Variants in VPS13A observed in about 807,000 individuals in gnomAD.
VPS13A encodes vacuolar protein sorting 13 homolog A.
Under a neutral mutation model 390.9 loss-of-function variants are expected in VPS13A, and 264 were observed. The observed-to-expected ratio is 0.68, with a 90% CI of 0.61 to 0.75. The LOEUF is 0.75. VPS13A is among the 30% of genes least tolerant of loss of function. The pLI is 0.00. For synonymous variants in VPS13A, 1,231 were observed against 1,227.1 expected, an observed-to-expected ratio of 1.00 and a Z score of -0.07; for missense variants, 3,409 against 3,733.9, an observed-to-expected ratio of 0.91 and a Z score of 2.27.
intron 67 of VPS13A, among the ~76,000 whole-genome samples, chr9:77,373,553 T>TA (rs1402273198): frequency 7.0e-6 from 1 of 142,910 alleles, no homozygotes; most frequent in Non-Finnish European, 1.5e-5. Context: ...ACCTAGGCAT[T>TA]ACCATTCAGG....
intron 22 of VPS13A, among the ~76,000 whole-genome samples, chr9:77,255,340 T>G (rs1825380456): frequency 6.6e-6 from 1 of 152,144 alleles, no homozygotes; most frequent in African/African-American, 2.4e-5. Flanking sequence ...TAAATCATAT[T>G]TCTTGAGTCC....
At position 77,308,087 on chromosome 9, in the gene VPS13A, A is replaced by G. The variant is rs1828872550; in HGVS notation, c.4103A>G (p.His1368Arg). Reference sequence around the variant, plus strand: ...AGTGGAGTTACTACTAATGCTTCACACCATTCAGGAGGTATGTTTTTAACT... The same window carrying G: ...AGTGGAGTTACTACTAATGCTTCACGCCATTCAGGAGGTATGTTTTTAACT... Reference protein sequence around the residue: ...ATSGVTTNASHHSGGATVVTA... With the variant: ...ATSGVTTNASRHSGGATVVTA... Residue 1368 changes from histidine to arginine, a missense_variant, in exon 35 of 72, where the codon CAC becomes CGC. His to Arg is a conservative substitution (Grantham distance 29). Coordinates refer to ENST00000360280, the MANE Select transcript of VPS13A (RefSeq NM_033305.3). 6.2e-7 allele frequency: 1 copy of G among 1,613,906 alleles called. No individual in the cohort carries two copies. The highest frequency in any genetic ancestry group is 8.5e-7 in the Non-Finnish European group (1 of 1,179,890).
At chr9:77,205,837 A>ACCT in intron 4 of VPS13A, 141 bp from the exon 5 acceptor site, 1 of 566,790 alleles carries the variant, frequency 1.8e-6, no homozygotes, top group Non-Finnish European at 3.1e-6. Context: ...TGATTCGCCC[A>ACCT]GCTTGGCCTC....
intron 1 of VPS13A, among the ~76,000 whole-genome samples, chr9:77,190,326 G>A (rs1824598649): frequency 1.3e-5 from 2 of 152,160 alleles, no homozygotes; most frequent in Non-Finnish European, 2.9e-5. Context: ...TTTATCAAAA[G>A]TCCTGAATCT....
At position 77,223,951 on chromosome 9, in the gene VPS13A, C is replaced by T. The variant is rs117835879; in HGVS notation, c.1162-1975C>T. Among the ~76,000 whole-genome samples the T allele has an allele frequency of 1.7e-3, 266 of 152,232 alleles. 4 individuals are homozygous for T. In the East Asian group the frequency reaches 0.045, roughly 26 times the overall value. Reference sequence around the variant, plus strand: ...GGCTGACTCTCTTGCTAGATGCTGACGTAGCTAGTGATTTCAGGTTGAAGC... The same window carrying T: ...GGCTGACTCTCTTGCTAGATGCTGATGTAGCTAGTGATTTCAGGTTGAAGC... On this transcript the variant is annotated intron_variant, in intron 13 of 71. Coordinates refer to ENST00000360280, the MANE Select transcript of VPS13A (RefSeq NM_033305.3).
At chr9:77,409,917 A>G (rs1434626655) in intron 71 of VPS13A, among the ~76,000 whole-genome samples, 2 of 151,430 alleles carry the variant, frequency 1.3e-5, no homozygotes, top group Admixed American at 1.3e-4. Context: ...AAGGCAGGCC[A>G]ACATTCAAAT....
At chr9:77,275,890 C>T (rs1032881413) in intron 25 of VPS13A, among the ~76,000 whole-genome samples, 175 bp from the exon 26 acceptor site, 3 of 147,480 alleles carry the variant, frequency 2.0e-5, no homozygotes, top group Non-Finnish European at 3.0e-5. Context: ...TTTGTGAAAA[C>T]GATTATTTAT....
chr9:77,369,438 G>A, intron 63 of VPS13A, 26 bp downstream of exon 63: 2 of 1,381,858 alleles, frequency 1.4e-6, no homozygotes, highest in East Asian at 4.6e-5. Flanking sequence ...TTGTGGTTGT[G>A]CAATATGTCA....
At position 77,333,426 on chromosome 9, in the gene VPS13A, A is replaced by ATTTTT. The variant is rs34369162; in HGVS notation, c.6095+1331_6095+1335dup. Among the ~76,000 whole-genome samples, 171 of 107,650 alleles carry ATTTTT rather than the reference A, an allele frequency of 1.6e-3. 4 individuals are homozygous for ATTTTT. Among genetic ancestry groups the ATTTTT allele is most frequent in the Non-Finnish European group, 2.4e-3 (135 of 55,112 alleles). 70.6% of individuals were successfully genotyped at this position (107,650 alleles called of 152,430 possible). A position where few individuals can be genotyped will look rare whatever the true frequency, so the allele number is the denominator to read the frequency against. On this transcript the variant is annotated intron_variant, in intron 46 of 71. Transcript: ENST00000360280. ...AACCAGCTTGGATTTCTCATTAGGC[A>ATTTTT]TTTTTTTTTTTTTTTTTTTTTTGAG... is the stretch of plus-strand genomic sequence containing the variant.
At chr9:77,210,753 C>T in intron 7 of VPS13A, 78 bp downstream of exon 7, 1 of 1,435,100 alleles carries the variant, frequency 7.0e-7, no homozygotes, top group Non-Finnish European at 9.8e-7. Flanking sequence ...TTGTATATGC[C>T]AGCATCAGAA....
chr9:77,226,253 A>G (rs1320779207), intron 14 of VPS13A, among the ~76,000 whole-genome samples: 1 of 152,120 alleles, frequency 6.6e-6, no homozygotes, highest in Non-Finnish European at 1.5e-5. Context: ...TTTTTCAATC[A>G]TCATTTCTTA....
chr9:77,347,669 C>A (rs1444622502), intron 52 of VPS13A, among the ~76,000 whole-genome samples: 1 of 151,992 alleles, frequency 6.6e-6, no homozygotes, highest in Non-Finnish European at 1.5e-5. Flanking sequence ...TTATCTATCT[C>A]TATATATCTA....
chr9:77,396,063 T>C (rs934995300), intron 68 of VPS13A, among the ~76,000 whole-genome samples: 3 of 151,944 alleles, frequency 2.0e-5, no homozygotes, highest in Middle Eastern at 3.2e-3. Context: ...TGCTGAACTT[T>C]AGTGAGACTT....
At chr9:77,178,123 C>G in intron 1 of VPS13A, 1 of 339,734 alleles carries the variant, frequency 2.9e-6, no homozygotes, top group Non-Finnish European at 5.6e-6. Context: ...GTTCTCTACC[C>G]CTGGCCCCGC....
intron 53 of VPS13A, 23 bp downstream of exon 53, chr9:77,351,469 GT>G: frequency 1.2e-6 from 2 of 1,610,542 alleles, no homozygotes; most frequent in South Asian, 2.2e-5. Context: ...TTATTATGGT[GT>G]TCCCAGCAGC....
intron 1 of VPS13A, among the ~76,000 whole-genome samples, chr9:77,184,677 A>G (rs1450170767): frequency 1.3e-5 from 2 of 151,578 alleles, no homozygotes; most frequent in Non-Finnish European, 2.9e-5. Flanking sequence ...TGCATCTATT[A>G]CTATTATCAC....
In VPS13A at chr9:77,352,033, A is replaced by T. The variant is rs576780777; in HGVS notation, c.7419+587A>T. On this transcript the variant is annotated intron_variant, in intron 53 of 71. Coordinates refer to ENST00000360280, the MANE Select transcript of VPS13A (RefSeq NM_033305.3). Reference sequence around the variant, plus strand: ...CCAAAAGTAGTCTTATTTTGTTTACATCATTTGCTTCTACTGTGTTATAAA... The same window carrying T: ...CCAAAAGTAGTCTTATTTTGTTTACTTCATTTGCTTCTACTGTGTTATAAA... Among the ~76,000 whole-genome samples the T allele has an allele frequency of 2.0e-5, 3 of 152,352 alleles. No individual in the cohort carries two copies. The South Asian group carries it at 6.2e-4, about 32-fold the overall frequency.
chr9:77,416,940 T>A lies in VPS13A; in HGVS notation c.*934T>A, dbSNP rs886174300. Reference sequence around the variant, plus strand: ...TTATGTACCCTAAAATCTAACCCAATAACCTGTCCCGTTGCCAATAGATTG... The same window carrying A: ...TTATGTACCCTAAAATCTAACCCAAAAACCTGTCCCGTTGCCAATAGATTG... On this transcript the variant is annotated 3_prime_UTR_variant, in exon 72 of 72. Coordinates refer to ENST00000360280, the MANE Select transcript of VPS13A (RefSeq NM_033305.3). 3.3e-5 allele frequency: 5 copies of A among 152,598 alleles called. No individual in the cohort carries two copies. Among genetic ancestry groups the A allele is most frequent in the Non-Finnish European group, 7.4e-5 (5 of 68,024 alleles). The allele number at this position is 152,598 out of a possible 1,614,324, so 9.5% of individuals were successfully genotyped here.
intron 35 of VPS13A, among the ~76,000 whole-genome samples, chr9:77,310,494 G>A (rs1340504701): frequency 1.3e-5 from 2 of 152,168 alleles, no homozygotes; most frequent in African/African-American, 4.8e-5. Flanking sequence ...CAGAAGTGAA[G>A]TGGACTAAAT....
Sources: gnomAD v4.1 joint callset for allele counts (sites outside exome capture counted in the v4.1 genomes callset) on GRCh38, gnomAD v4.1.1 for gene constraint, MANE v1.5 for transcripts, NCBI Gene and HGNC (gene_info 2026-07-23, HGNC 2026-07-21) for gene names.